The following ANKRD12 variants were observed in gnomAD, a reference collection of about 807,000 sequenced individuals.
ANKRD12 encodes the protein ankyrin repeat domain 12, also known as ankyrin repeat domain-containing protein 12.
In ANKRD12, 85 loss-of-function variants were observed where a neutral mutation model predicts 183.4. The observed-to-expected ratio is 0.46, with a 90% CI of 0.39 to 0.56. The LOEUF (loss-of-function observed/expected upper bound fraction) is 0.56. Ranked by LOEUF, ANKRD12 falls within the 20% of genes least tolerant of loss-of-function variation. ANKRD12 has a pLI of 0.00. For synonymous variants in ANKRD12, 914 were observed against 800.2 expected, an observed-to-expected ratio of 1.14 and a Z score of -2.40; for missense variants, 2,405 against 2,357.1, an observed-to-expected ratio of 1.02 and a Z score of -0.42.
intron 1 of ANKRD12, among the ~76,000 whole-genome samples, chr18:9,178,097 C>T (rs1171688155): frequency 1.3e-5 from 2 of 152,206 alleles, no homozygotes; most frequent in African/African-American, 2.4e-5. Context: ...AACACCTTAA[C>T]AGGGTAATTT....
At chr18:9,251,915 T>C (rs1403464825) in intron 8 of ANKRD12, among the ~76,000 whole-genome samples, 2 of 152,262 alleles carry the variant, frequency 1.3e-5, no homozygotes, top group South Asian at 2.1e-4. Flanking sequence ...TGAGAATAAA[T>C]TGAGATGATC....
chr18:9,171,170 C>A (rs1406342444), intron 1 of ANKRD12, among the ~76,000 whole-genome samples: 9 of 152,128 alleles, frequency 5.9e-5, no homozygotes, highest in Non-Finnish European at 1.2e-4. Context: ...CTTGAGGAGG[C>A]AGTCTGCCCG....
chr18:9,280,129 G>A (rs1057391705), intron 12 of ANKRD12, among the ~76,000 whole-genome samples: 1 of 152,048 alleles, frequency 6.6e-6, no homozygotes, highest in Non-Finnish European at 1.5e-5. Flanking sequence ...GACCAGTTTC[G>A]TGGAAGACAA....
intron 1 of ANKRD12, among the ~76,000 whole-genome samples, chr18:9,156,176 A>T (rs2030426034): frequency 6.8e-6 from 1 of 146,550 alleles, no homozygotes. Flanking sequence ...TTTGACTTTT[A>T]TGTCACATTT....
In ANKRD12 at chr18:9,278,765, CAGAG is replaced by C. The variant is rs536719656; in HGVS notation, c.5908-778_5908-775del. 1.7e-4 allele frequency among the ~76,000 whole-genome samples: 26 copies of C among 151,438 alleles called. No individual in the cohort carries two copies. In the South Asian group the frequency reaches 5.2e-3, roughly 30 times the overall value. ...AGAGTCAAGATTCCAGCCTGGGTAA[CAGAG>C]AGAGACTCCATCTCAAAAAAAAAAA... On this transcript the variant is annotated intron_variant, in intron 11 of 12. Coordinates refer to ENST00000262126, the MANE Select transcript of ANKRD12 (RefSeq NM_015208.5).
intron 1 of ANKRD12, among the ~76,000 whole-genome samples, chr18:9,145,352 C>T (rs1207656770): frequency 2.0e-5 from 3 of 152,170 alleles, no homozygotes; most frequent in Non-Finnish European, 4.4e-5. Context: ...TCTCTAGGTA[C>T]AGCATTACAT....
intron 6 of ANKRD12, among the ~76,000 whole-genome samples, chr18:9,214,898 G>T (rs1360759167): frequency 6.6e-6 from 1 of 152,122 alleles, no homozygotes; most frequent in African/African-American, 2.4e-5. Context: ...TATAAAAAAG[G>T]CGTACCTATA....
intron 8 of ANKRD12, chr18:9,235,596 G>A: frequency 2.2e-6 from 1 of 456,086 alleles, no homozygotes; most frequent in South Asian, 1.5e-5. Context: ...CTCCTGCTAT[G>A]GCCTTATCAA....
At chr18:9,249,897 ATG>A (rs1366256666) in intron 8 of ANKRD12, among the ~76,000 whole-genome samples, 1 of 152,216 alleles carries the variant, frequency 6.6e-6, no homozygotes, top group Non-Finnish European at 1.5e-5. Context: ...ATTATGGCTA[ATG>A]TGTGTAGCAA....
chr18:9,144,983 A>G (rs2078447044), intron 1 of ANKRD12, among the ~76,000 whole-genome samples: 1 of 152,164 alleles, frequency 6.6e-6, no homozygotes, highest in African/African-American at 2.4e-5. Flanking sequence ...ACAAGGAGTA[A>G]AAAGTGAAAA....
At position 9,284,034 on chromosome 18, in the gene ANKRD12, G is replaced by C. The variant is rs2040174243; in HGVS notation, c.*2908G>C. The C allele has an allele frequency of 6.6e-6, 1 of 152,130 alleles. No homozygotes were observed. Among genetic ancestry groups the C allele is most frequent in the South Asian group, 2.1e-4 (1 of 4,834 alleles). 9.4% of individuals were successfully genotyped at this position (152,130 alleles called of 1,614,324 possible). On this transcript the variant is annotated 3_prime_UTR_variant, in exon 13 of 13. Transcript: ENST00000262126. The stretch of plus-strand genomic sequence containing the variant: ...TTTTGGTTTCCCAGTGCATATAAAA[G>C]TTTTGTTTATACTATATTAAGTGTG...
In ANKRD12 at chr18:9,221,926, A is replaced by C; in HGVS notation, c.870A>C (p.Val290=). 4 of 1,614,092 alleles carry C rather than the reference A, an allele frequency of 2.5e-6. No homozygotes were observed. The highest frequency in any genetic ancestry group is 3.4e-6 in the Non-Finnish European group (4 of 1,179,958). Residue 290 remains valine, a synonymous_variant, in exon 8 of 13, where the codon GTA becomes GTC. Coordinates refer to ENST00000262126, the MANE Select transcript of ANKRD12 (RefSeq NM_015208.5). ...AACATGGGGAGCGTCCAGTGGATGT[A>C]GCAGAAACAGAGGAGTTGGAGTTGC... is the stretch of plus-strand genomic sequence containing the variant. The part of the protein sequence containing the change: ...ANKHGERPVD[V]AETEELELLL...
intron 5 of ANKRD12, 47 bp from the exon 6 acceptor site, chr18:9,211,533 TATAC>T (rs1476572776): frequency 6.8e-7 from 1 of 1,479,552 alleles, no homozygotes. Context: ...TTTAAATAAG[TATAC>T]AGAATATTTA....
rs79681620 is a variant in ANKRD12 at position 9,209,835 on chromosome 18, G to T, written c.451+1032G>T. ...ATTAAAACTGATTTTTTAAAATAGC[G>T]TGAACCTTTGTCCTTAAAGTAAATT... On this transcript the variant is annotated intron_variant, in intron 5 of 12. Coordinates refer to ENST00000262126, the MANE Select transcript of ANKRD12 (RefSeq NM_015208.5). Among the ~76,000 whole-genome samples, 638 of 152,188 alleles carry T rather than the reference G, an allele frequency of 4.2e-3. 7 individuals carry two copies. Among genetic ancestry groups the T allele is most frequent in the East Asian group, 0.018 (92 of 5,180 alleles).
chr18:9,176,478 G>A (rs1214070481), intron 1 of ANKRD12, among the ~76,000 whole-genome samples: 2 of 151,586 alleles, frequency 1.3e-5, no homozygotes, highest in African/African-American at 4.8e-5. Context: ...TTTTGTAGAG[G>A]CGGGGTTTCA....
chr18:9,159,997 C>T (rs767214341), intron 1 of ANKRD12, among the ~76,000 whole-genome samples: 15 of 150,864 alleles, frequency 9.9e-5, no homozygotes, highest in Non-Finnish European at 1.8e-4. Context: ...TACTCTTGCC[C>T]GGTGGCTCAT....
At chr18:9,251,251 G>A (rs950416305) in intron 8 of ANKRD12, among the ~76,000 whole-genome samples, 3 of 151,978 alleles carry the variant, frequency 2.0e-5, no homozygotes, top group African/African-American at 7.3e-5. Flanking sequence ...TTATCTCCCC[G>A]CATCAGCCAC....
At chr18:9,180,567 A>G (rs960282398) in intron 1 of ANKRD12, among the ~76,000 whole-genome samples, 1 of 151,292 alleles carries the variant, frequency 6.6e-6, no homozygotes, top group South Asian at 2.1e-4. Flanking sequence ...TTCCATTTTA[A>G]TTTACCTAGT....
At position 9,255,630 on chromosome 18, in the gene ANKRD12, T is replaced by G. The variant is rs1422593766; in HGVS notation, c.2363T>G (p.Leu788Trp). 4 of 1,571,368 alleles carry G rather than the reference T, an allele frequency of 2.5e-6. No individual in the cohort carries two copies. Among genetic ancestry groups the G allele is most frequent in the Non-Finnish European group, 3.4e-6 (4 of 1,168,704 alleles). ...PTDKDSEFTS[L>W]GMSAIEESIG... is the part of the protein sequence containing the mutation. The stretch of plus-strand genomic sequence containing the variant: ...GATAAAGACTCAGAATTTACTTCTT[T>G]GGGTATGAGTGCCATTGAGGAATCT... The change falls in exon 9 of 13, where the codon TTG becomes TGG. Residue 788 changes from leucine to tryptophan, a missense_variant. By Grantham distance (61) the Leu-to-Trp change is moderately conservative. Around this residue, in one of 7 missense-constraint regions of ANKRD12, gnomAD observed 1,983 missense variants for 1,725.9 expected, o/e 1.15. Transcript: ENST00000262126.
Sources: gnomAD v4.1 joint callset for allele counts (sites outside exome capture counted in the v4.1 genomes callset) on GRCh38, gnomAD v4.1.1 for gene constraint, gnomAD v4.1.1 regional missense constraint, MANE v1.5 for transcripts, NCBI Gene and HGNC (gene_info 2026-07-23, HGNC 2026-07-21) for gene names.